AUNIP: variants seen among roughly 807,000 people sequenced by gnomAD.
The protein encoded by AUNIP is aurora kinase A and ninein interacting protein.
A neutral mutation model predicts 12.2 loss-of-function variants in AUNIP; 16 were observed. The observed-to-expected ratio is 1.31, with a 90% CI of 0.88 to 1.99. The LOEUF (loss-of-function observed/expected upper bound fraction) is 1.99. Among genes scored for constraint, AUNIP ranks in the 30% most tolerant of loss-of-function variants. The probability of loss-of-function intolerance (pLI) is 0.00; values close to 1 mark genes in which losing one functional copy is unlikely to be tolerated. For synonymous variants in AUNIP, 142 were observed against 154.8 expected, an observed-to-expected ratio of 0.92 and a Z score of 0.61; for missense variants, 411 against 419.1, an observed-to-expected ratio of 0.98 and a Z score of 0.17.
In AUNIP at chr1:25,859,276, C is replaced by A. The variant is rs767506712; in HGVS notation, c.78+4G>T. Reference sequence around the variant, plus strand: ...CAACGCCCTCTCATCCCCCAGCGTCCCACCTGCACTTTCCGCCTCTTCAGC... The same window carrying A: ...CAACGCCCTCTCATCCCCCAGCGTCACACCTGCACTTTCCGCCTCTTCAGC... On this transcript the variant is annotated splice_donor_region_variant and intron_variant, in intron 1 of 2. Transcript: ENST00000374298. 1.3e-6 allele frequency: 2 copies of A among 1,575,514 alleles called. No individual in the cohort carries two copies. Among genetic ancestry groups the A allele is most frequent in the East Asian group, 4.7e-5 (2 of 42,278 alleles).
intron 1 of AUNIP, among the ~76,000 whole-genome samples, chr1:25,853,172 C>A (rs978447790): frequency 1.3e-5 from 2 of 152,094 alleles, no homozygotes; most frequent in Admixed American, 6.6e-5. Flanking sequence ...AATCTTTTTT[C>A]CTTGTTGATA....
chr1:25,833,266 C>T (rs1186918101), downstream of AUNIP, among the ~76,000 whole-genome samples: 1 of 151,980 alleles, frequency 6.6e-6, no homozygotes, highest in Non-Finnish European at 1.5e-5. Flanking sequence ...AGGTATGCAC[C>T]ACCACACCCA....
chr1:25,837,931 T>G (rs537407551), intron 1 of AUNIP, among the ~76,000 whole-genome samples: 4 of 152,282 alleles, frequency 2.6e-5, no homozygotes, highest in South Asian at 2.1e-4. Context: ...TAGTGGTGGT[T>G]AAGAGCATGG....
At chr1:25,841,867 C>T (rs1443098003) in intron 1 of AUNIP, among the ~76,000 whole-genome samples, 1 of 152,082 alleles carries the variant, frequency 6.6e-6, no homozygotes, top group Non-Finnish European at 1.5e-5. Context: ...TTTTGGGGCA[C>T]CATGAACCAC....
intron 1 of AUNIP, among the ~76,000 whole-genome samples, chr1:25,844,982 T>C (rs17163310): frequency 0.014 from 2,205 of 152,278 alleles, 51 homozygotes; most frequent in African/African-American, 0.051. Flanking sequence ...GTTTAAGAAG[T>C]GTTACCAAGA....
chr1:25,837,148 G>A (rs2048309089), intron 2 of AUNIP, among the ~76,000 whole-genome samples: 1 of 152,054 alleles, frequency 6.6e-6, no homozygotes, highest in African/African-American at 2.4e-5. Flanking sequence ...CAACTCCCAA[G>A]TACACCCTTC....
At chr1:25,843,595 A>AG (rs2048361074) in intron 1 of AUNIP, among the ~76,000 whole-genome samples, 2 of 93,738 alleles carry the variant, frequency 2.1e-5, no homozygotes, top group Non-Finnish European at 3.7e-5. Context: ...TGTCTGTTTG[A>AG]AAAAAAAAAA....
chr1:25,839,669 C>CT lies in AUNIP; in HGVS notation c.79-2116dup, dbSNP rs916840467. On this transcript the variant is annotated intron_variant, in intron 1 of 2. Coordinates refer to ENST00000374298, the MANE Select transcript of AUNIP (RefSeq NM_024037.3). ...ACCTGCCAAAACAATTTTCAATATT[C>CT]TTTTTTTTTTTGAGACGAAGTCTCA... Among the ~76,000 whole-genome samples, 911 of 148,224 alleles carry CT rather than the reference C, an allele frequency of 6.1e-3. 6 individuals are homozygous for CT. The highest frequency in any genetic ancestry group is 0.018 in the African/African-American group (714 of 40,616).
At chr1:25,842,292 C>T (rs918975670) in intron 1 of AUNIP, among the ~76,000 whole-genome samples, 5 of 152,324 alleles carry the variant, frequency 3.3e-5, no homozygotes, top group South Asian at 2.1e-4. Context: ...AAAGTAGCCA[C>T]AACATTCGCT....
chr1:25,833,989 C>T (rs2048276299), downstream of AUNIP: 6 of 968,798 alleles, frequency 6.2e-6, no homozygotes, highest in Non-Finnish European at 7.4e-6. Context: ...GGTTTAATTA[C>T]CAATTATCAC....
chr1:25,832,472 T>G, downstream of AUNIP: 1 of 337,272 alleles, frequency 3.0e-6, no homozygotes, highest in Admixed American at 4.1e-5. Flanking sequence ...TTTGTATACA[T>G]GTTCACAGGG....
intron 1 of AUNIP, among the ~76,000 whole-genome samples, chr1:25,846,798 A>T (rs538823940): frequency 6.6e-6 from 1 of 152,292 alleles, no homozygotes; most frequent in Admixed American, 6.5e-5. Context: ...TTGTACATTT[A>T]CTCTCAGTTT....
intron 1 of AUNIP, among the ~76,000 whole-genome samples, chr1:25,843,185 A>AATATATATATATATAT (rs1342427424): frequency 2.4e-5 from 3 of 124,948 alleles, no homozygotes; most frequent in Non-Finnish European, 5.0e-5. Context: ...AAAAAAAAAA[A>AATATATATATATATAT]ATATATATAT....
chr1:25,835,564 T>G lies in AUNIP; in HGVS notation c.503A>C (p.His168Pro). 6.2e-7 allele frequency: 1 copy of G among 1,614,254 alleles called. No homozygotes were observed. The highest frequency in any genetic ancestry group is 8.5e-7 in the Non-Finnish European group (1 of 1,180,044). The part of the protein sequence containing the change: ...PDTPDCAGDS[H>P]TPLAFSFTED... ...GGTGAAGGAAAAAGCCAGTGGGGTATGACTATCTCCAGCACAGTCTGGAGT... is the reference window on the plus strand; with the variant it reads ...GGTGAAGGAAAAAGCCAGTGGGGTAGGACTATCTCCAGCACAGTCTGGAGT... The change falls in exon 3 of 3, where the codon CAT becomes CCT. Residue 168 changes from histidine to proline, a missense_variant. Coordinates refer to ENST00000374298, the MANE Select transcript of AUNIP (RefSeq NM_024037.3).
intron 1 of AUNIP, among the ~76,000 whole-genome samples, chr1:25,840,256 A>G (rs908618989): frequency 6.6e-6 from 1 of 152,198 alleles, no homozygotes; most frequent in African/African-American, 2.4e-5. Flanking sequence ...GATGAGCTTA[A>G]CGACAGATTG....
At chr1:25,837,283 C>G in intron 2 of AUNIP, 130 bp downstream of exon 2, 1 of 1,129,110 alleles carries the variant, frequency 8.9e-7, no homozygotes, top group Non-Finnish European at 1.2e-6. Context: ...GTTTTATAAC[C>G]TCTTCTAACA....
At chr1:25,837,645 C>T in intron 1 of AUNIP, 91 bp from the exon 2 acceptor site, 1 of 1,336,234 alleles carries the variant, frequency 7.5e-7, no homozygotes, top group Non-Finnish European at 1.0e-6. Context: ...CCTCTGAGAA[C>T]CACACTAGAT....
At position 25,835,057 on chromosome 1, in the gene AUNIP, A is replaced by G. The variant is rs1318352759; in HGVS notation, c.1010T>C (p.Leu337Pro). Residue 337 changes from leucine (L) to proline (P), a missense_variant, in exon 3 of 3, where the codon CTG (leucine) becomes CCG (proline). Transcript: ENST00000374298. ...CTGGGTAAAGAGCAAATCAGGCTTC[A>G]GATTTTGAGTTGGCCCATCCTCCTG... ...QCQEDGPTQN[L>P]KPDLLFTQDS... is the part of the protein sequence containing the mutation. 6.2e-7 allele frequency: 1 copy of G among 1,614,250 alleles called. No individual in the cohort carries two copies. The highest frequency in any genetic ancestry group is 8.5e-7 in the Non-Finnish European group (1 of 1,180,042).
chr1:25,843,594 GAAAAAAAAAAAAAA>G (rs769525747), intron 1 of AUNIP, among the ~76,000 whole-genome samples: 206 of 31,898 alleles, frequency 6.5e-3, no homozygotes, highest in African/African-American at 0.019. Flanking sequence ...CTGTCTGTTT[GAAAAAAAAAAAAAA>G]AAAAAAAAAA....
Sources: gnomAD v4.1 joint callset for allele counts (sites outside exome capture counted in the v4.1 genomes callset) on GRCh38, gnomAD v4.1.1 for gene constraint, MANE v1.5 for transcripts, NCBI Gene and HGNC (gene_info 2026-07-23, HGNC 2026-07-21) for gene names.